Variants in PCDH7 observed in about 807,000 individuals in gnomAD.
The protein encoded by PCDH7 is protocadherin 7.
In PCDH7, 17 loss-of-function variants were observed where a neutral mutation model predicts 58.9. That is an observed-to-expected ratio of 0.29 (90% CI 0.20 to 0.43). PCDH7 has a LOEUF of 0.43. PCDH7 is among the 20% of genes least tolerant of loss of function. PCDH7 has a pLI of 1.00. For synonymous variants in PCDH7, 664 were observed against 616.4 expected (o/e 1.08, Z -1.14); for missense variants, 1,274 against 1,441.0 (o/e 0.88, Z 1.88).
chr4:30,997,823 T>C (rs1027283931), intron 3 of PCDH7, among the ~76,000 whole-genome samples: 1 of 152,150 alleles, frequency 6.6e-6, no homozygotes, highest in Non-Finnish European at 1.5e-5. Flanking sequence ...CAAATTATCT[T>C]TTTTTCTCTT....
At chr4:31,143,812 T>C (rs185447183), downstream of PCDH7, 4 of 152,324 alleles carry the variant, frequency 2.6e-5, no homozygotes, top group Admixed American at 6.5e-5. Flanking sequence ...CACTAGTTCA[T>C]TTTATAGTGC....
intron 3 of PCDH7, among the ~76,000 whole-genome samples, chr4:31,071,537 GT>G (rs1758545972): frequency 6.6e-6 from 1 of 151,980 alleles, no homozygotes; most frequent in Non-Finnish European, 1.5e-5. Flanking sequence ...AGAGTTGAAG[GT>G]TTTAGTAAAT....
At chr4:30,730,773 T>G in exon 2 of PCDH7, 1 of 1,607,328 alleles carries the variant, frequency 6.2e-7, no homozygotes, top group African/African-American at 1.3e-5. Context: ...ATCCATACAT[T>G]ACTGTGTTTG....
chr4:31,054,189 C>T (rs1332876866), intron 3 of PCDH7, among the ~76,000 whole-genome samples: 4 of 152,118 alleles, frequency 2.6e-5, no homozygotes, highest in Non-Finnish European at 4.4e-5. Context: ...TGGTCTCAAA[C>T]TCCTGAGCTC....
intron 1 of PCDH7, among the ~76,000 whole-genome samples, chr4:30,783,735 C>A (rs1174992913): frequency 2.0e-5 from 3 of 152,102 alleles, no homozygotes; most frequent in African/African-American, 7.2e-5. Context: ...CTTCTCCTAG[C>A]ACTAGTTACC....
intron 1 of PCDH7, among the ~76,000 whole-genome samples, chr4:30,780,702 T>C (rs1722670207): frequency 6.6e-6 from 1 of 152,214 alleles, no homozygotes; most frequent in Non-Finnish European, 1.5e-5. Flanking sequence ...TGTCTTTTGA[T>C]AGTTATTGAA....
chr4:30,977,928 C>T (rs942400649), intron 3 of PCDH7, among the ~76,000 whole-genome samples: 2 of 152,052 alleles, frequency 1.3e-5, no homozygotes, highest in South Asian at 2.1e-4. Flanking sequence ...GAGAGCGTTG[C>T]GTATATAGTG....
intron 3 of PCDH7, among the ~76,000 whole-genome samples, chr4:30,980,907 G>A (rs1329007354): frequency 2.6e-5 from 4 of 151,996 alleles, no homozygotes; most frequent in Non-Finnish European, 4.4e-5. Flanking sequence ...AGAGTGGTGC[G>A]ATCTCAGCTA....
chr4:30,841,924 AC>A (rs1288309642), intron 1 of PCDH7, among the ~76,000 whole-genome samples: 10 of 151,974 alleles, frequency 6.6e-5, no homozygotes, highest in African/African-American at 2.4e-4. Flanking sequence ...TACATTTAAG[AC>A]CCTTACCACT....
At chr4:30,936,049 G>A (rs181450687) in intron 2 of PCDH7, among the ~76,000 whole-genome samples, 3 of 152,006 alleles carry the variant, frequency 2.0e-5, no homozygotes, top group Admixed American at 6.6e-5. Context: ...AAAGAACAAC[G>A]TGAAGTGGAT....
chr4:31,105,794 T>A lies in PCDH7; in HGVS notation c.*8-36679T>A, dbSNP rs190574398. On this transcript the variant is annotated intron_variant, in intron 3 of 3. Transcript: ENST00000509759. ...AGGCCGAGGTGGGCGGATCACGAGGTCAGGAGATCGAGACCATCCTGGCTA... is the reference window on the plus strand; with the variant it reads ...AGGCCGAGGTGGGCGGATCACGAGGACAGGAGATCGAGACCATCCTGGCTA... 5.1e-3 allele frequency among the ~76,000 whole-genome samples: 770 copies of A among 152,080 alleles called. 9 individuals carry two copies. The highest frequency in any genetic ancestry group is 0.017 in the African/African-American group (719 of 41,490).
At chr4:30,736,764 T>G (rs2109243991), downstream of PCDH7, among the ~76,000 whole-genome samples, 1 of 152,034 alleles carries the variant, frequency 6.6e-6, no homozygotes, top group African/African-American at 2.4e-5. Context: ...TCTCGATATC[T>G]TGACCTCGTG....
At chr4:31,070,157 A>C (rs1758431647) in intron 3 of PCDH7, among the ~76,000 whole-genome samples, 1 of 152,076 alleles carries the variant, frequency 6.6e-6, no homozygotes, top group Non-Finnish European at 1.5e-5. Context: ...TTCTAGAAAA[A>C]TATGAAATAT....
At chr4:30,795,432 G>T (rs1724660254) in intron 1 of PCDH7, among the ~76,000 whole-genome samples, 1 of 152,184 alleles carries the variant, frequency 6.6e-6, no homozygotes, top group South Asian at 2.1e-4. Context: ...AGTAATAGCT[G>T]TTGTTAAAGA....
At chr4:30,974,495 T>C (rs192887242) in intron 3 of PCDH7, among the ~76,000 whole-genome samples, 3 of 152,076 alleles carry the variant, frequency 2.0e-5, no homozygotes, top group African/African-American at 7.2e-5. Flanking sequence ...CACAAGCCTC[T>C]CATTTTTCTA....
chr4:30,881,298 A>G (rs1736936709), intron 1 of PCDH7, among the ~76,000 whole-genome samples: 1 of 152,000 alleles, frequency 6.6e-6, no homozygotes, highest in Non-Finnish European at 1.5e-5. Flanking sequence ...GTGAGCTGAG[A>G]TTGCATCGCT....
Position 30,738,165 on chromosome 4 carries a change from C to T in PCDH7, c.70+13569C>T, listed in dbSNP as rs1408870068. 2.0e-5 allele frequency among the ~76,000 whole-genome samples: 3 copies of T among 152,126 alleles called. No homozygotes were observed. In the East Asian group the frequency reaches 5.8e-4, roughly 29 times the overall value. On this transcript the variant is annotated intron_variant, in intron 1 of 3. Transcript: ENST00000509759. ...AACCTTAATTTTCTCCATAAAGGCCCTATCTCCAAGTACAGTCACATTGGA... is the reference window on the plus strand; with the variant it reads ...AACCTTAATTTTCTCCATAAAGGCCTTATCTCCAAGTACAGTCACATTGGA...
At chr4:31,063,006 A>G (rs2109240545) in intron 3 of PCDH7, among the ~76,000 whole-genome samples, 1 of 151,968 alleles carries the variant, frequency 6.6e-6, no homozygotes, top group East Asian at 1.9e-4. Context: ...ACATATGTGT[A>G]TAATATAGTA....
At chr4:30,999,593 G>A (rs934606955) in intron 3 of PCDH7, among the ~76,000 whole-genome samples, 5 of 152,044 alleles carry the variant, frequency 3.3e-5, no homozygotes, top group Admixed American at 2.0e-4. Flanking sequence ...AGTTACTAAG[G>A]GAGTGCAGAA....
Sources: allele counts gnomAD v4.1 joint callset (sites outside exome capture counted in the v4.1 genomes callset), GRCh38; gene constraint gnomAD v4.1.1; transcripts MANE v1.5; gene names NCBI Gene and HGNC (gene_info 2026-07-23, HGNC 2026-07-21).